VPS11: variants seen among roughly 807,000 people sequenced by gnomAD.
The protein encoded by VPS11 is VPS11 core subunit of CORVET and HOPS complexes.
In VPS11, 51 loss-of-function variants were observed where a neutral mutation model predicts 106.8. The ratio of observed to expected loss-of-function variants is 0.48; its 90% CI spans 0.38 to 0.60. VPS11 has a LOEUF of 0.60. Ranked by LOEUF, VPS11 falls within the 20% of genes least tolerant of loss-of-function variation. The pLI is 0.00. For synonymous variants in VPS11, 453 were observed against 458.7 expected, an observed-to-expected ratio of 0.99 and a Z score of 0.16; for missense variants, 950 against 1,190.0, an observed-to-expected ratio of 0.80 and a Z score of 2.97.
chr11:119,069,671 C>G, intron 3 of VPS11, 94 bp downstream of exon 3: 1 of 1,555,548 alleles, frequency 6.4e-7, no homozygotes, highest in Non-Finnish European at 8.8e-7. Flanking sequence ...CAGGAGACCA[C>G]TTTGTACTGA....
Position 119,081,248 on chromosome 11 carries a change from G to A in VPS11, c.2595G>A (p.Arg865=). The A allele has an allele frequency of 6.2e-7, 1 of 1,614,016 alleles. No homozygotes were observed. The highest frequency in any genetic ancestry group is 8.5e-7 in the Non-Finnish European group (1 of 1,179,908). Residue 865 remains arginine (R), a synonymous_variant, in exon 15 of 16, where the codon CGG becomes CGA. Coordinates refer to ENST00000621676, the MANE Select transcript of VPS11 (RefSeq NM_021729.6). ...ADCPTCLPEN[R]KVMDMIRAQE... The stretch of plus-strand genomic sequence containing the variant: ...GCCCCACCTGCCTCCCTGAAAACCG[G>A]AAGGTCATGGATATGATCCGGGCCC...
At chr11:119,068,093 C>A in intron 1 of VPS11, 83 bp downstream of exon 1, 1 of 1,426,208 alleles carries the variant, frequency 7.0e-7, no homozygotes, top group Non-Finnish European at 9.3e-7. Context: ...TCGGAGGGGT[C>A]CGTGCCGCGC....
At chr11:119,069,640 G>A in intron 3 of VPS11, 63 bp downstream of exon 3, 1 of 1,607,422 alleles carries the variant, frequency 6.2e-7, no homozygotes, top group Non-Finnish European at 8.5e-7. Flanking sequence ...AGTTGCTTCT[G>A]CCTCTCATCT....
chr11:119,079,545 C>T (rs1199405995), intron 14 of VPS11, among the ~76,000 whole-genome samples: 1 of 152,188 alleles, frequency 6.6e-6, no homozygotes, highest in African/African-American at 2.4e-5. Context: ...TATTCTACCA[C>T]TTCTAAACAC....
Position 119,073,864 on chromosome 11 carries a change from G to C in VPS11, c.1151G>C (p.Ser384Thr), listed in dbSNP as rs782298570. 9.3e-6 allele frequency: 15 copies of C among 1,613,862 alleles called. No individual in the cohort carries two copies. In the Admixed American group the frequency reaches 2.0e-4, roughly 22 times the overall value. Residue 384 changes from serine to threonine, a missense_variant, in exon 7 of 16, where the codon AGT (serine) becomes ACT (threonine). Physicochemically the swap from Ser to Thr is moderately conservative, Grantham distance 58. Coordinates refer to ENST00000621676, the MANE Select transcript of VPS11 (RefSeq NM_021729.6). ...INLAKSQHLDSDGLAQIFMQY... is the reference protein window; with the variant it reads ...INLAKSQHLDTDGLAQIFMQY... ...CTTGCCAAGAGCCAGCATCTGGACA[G>C]TGATGGGCTGGCCCAGATTTTCATG...
chr11:119,070,481 A>G (rs1422152050), intron 4 of VPS11, 84 bp downstream of exon 4: 29 of 1,348,650 alleles, frequency 2.2e-5, no homozygotes, highest in Non-Finnish European at 2.9e-5. Context: ...AGTGACAGGA[A>G]AGGTGGGAGT....
At position 119,073,805 on chromosome 11, in the gene VPS11, G is replaced by C. The variant is rs1451759741; in HGVS notation, c.1092G>C (p.Leu364=). ...EKDTQTKLEM[L]FKKNLFEMAI... ...TAATCTCTCTTCCCTTCTAGATGCT[G>C]TTTAAGAAGAACCTATTTGAGATGG... The change falls in exon 7 of 16, where the codon CTG becomes CTC. Residue 364 remains leucine, a synonymous_variant. Coordinates refer to ENST00000621676, the MANE Select transcript of VPS11 (RefSeq NM_021729.6). 1 of 1,609,420 alleles carries C rather than the reference G, an allele frequency of 6.2e-7. No homozygotes were observed. The highest frequency in any genetic ancestry group is 2.2e-5 in the East Asian group (1 of 44,734).
chr11:119,069,545 C>G lies in VPS11; in HGVS notation c.440C>G (p.Thr147Ser). 6 of 1,614,038 alleles carry G rather than the reference C, an allele frequency of 3.7e-6. No individual in the cohort carries two copies. Among genetic ancestry groups the G allele is most frequent in the Non-Finnish European group, 5.1e-6 (6 of 1,179,888 alleles). ...GAGCCAACTGTTGTATCTTGTTTGACTGTCCATGAAAATCTCAACTTTATG... is the reference window on the plus strand; with the variant it reads ...GAGCCAACTGTTGTATCTTGTTTGAGTGTCCATGAAAATCTCAACTTTATG... ...GTEPTVVSCL[T>S]VHENLNFMAI... is the part of the protein sequence containing the mutation. The change falls in exon 3 of 16, where the codon ACT becomes AGT. Residue 147 changes from threonine to serine, a missense_variant. Around this residue, in one of 3 missense-constraint regions of VPS11, gnomAD observed 435 missense variants for 630.2 expected, o/e 0.69. Coordinates refer to ENST00000621676, the MANE Select transcript of VPS11 (RefSeq NM_021729.6).
At chr11:119,075,952 G>A (rs900272292) in intron 7 of VPS11, among the ~76,000 whole-genome samples, 25 of 151,804 alleles carry the variant, frequency 1.6e-4, no homozygotes, top group African/African-American at 6.0e-4. Flanking sequence ...AATTGCCAGG[G>A]GGCAGTGACT....
At chr11:119,073,511 T>C in intron 6 of VPS11, 112 bp downstream of exon 6, 1 of 1,313,614 alleles carries the variant, frequency 7.6e-7, no homozygotes, top group South Asian at 1.4e-5. Context: ...GTCACAGCCT[T>C]ACTCAGCTTC....
chr11:119,071,962 T>C, intron 5 of VPS11, 119 bp downstream of exon 5: 1 of 1,361,138 alleles, frequency 7.3e-7, no homozygotes. Flanking sequence ...CGGTGTTATG[T>C]AGGTAACATT....
intron 14 of VPS11, 33 bp from the exon 15 acceptor site, chr11:119,081,059 T>G (rs782074380): frequency 1.3e-6 from 2 of 1,598,050 alleles, no homozygotes. Context: ...GCCCTCACTT[T>G]TGCCACTCAC....
intron 4 of VPS11, among the ~76,000 whole-genome samples, chr11:119,071,217 A>C (rs1945375766): frequency 6.6e-6 from 1 of 152,256 alleles, no homozygotes; most frequent in African/African-American, 2.4e-5. Context: ...GGCATGAGCC[A>C]CTGCACCGGC....
rs1293736901 is a variant in VPS11, at chr11:119,077,069, G to A, written c.1411G>A (p.Glu471Lys). Residue 471 changes from glutamate (E) to lysine (K), a missense_variant, in exon 8 of 16, where the codon GAG becomes AAG. By Grantham distance (56) the Glu-to-Lys change is moderately conservative (BLOSUM62 1). Coordinates refer to ENST00000621676, the MANE Select transcript of VPS11 (RefSeq NM_021729.6). ...YTKLKDSSKLEEFIKKKSESE... is the reference protein window; with the variant it reads ...YTKLKDSSKLKEFIKKKSESE... ...CAAGCTCAAGGACAGCTCGAAGCTG[G>A]AGGAGTTCATCAAGGTGCAGGATGT... The A allele has an allele frequency of 1.2e-6, 2 of 1,612,360 alleles. No individual in the cohort carries two copies. The highest frequency in any genetic ancestry group is 1.7e-6 in the Non-Finnish European group (2 of 1,179,162).
chr11:119,079,236 C>T lies in VPS11; in HGVS notation c.2374C>T (p.Arg792Trp), dbSNP rs368011627. 23 of 1,609,918 alleles carry T rather than the reference C, an allele frequency of 1.4e-5. No homozygotes were observed. Among genetic ancestry groups the T allele is most frequent in the African/African-American group, 2.7e-5 (2 of 74,786 alleles). Residue 792 changes from arginine (R) to tryptophan (W), a missense_variant, in exon 14 of 16, where the codon CGG becomes TGG. Physicochemically the swap from Arg to Trp is moderately radical, Grantham distance 101. Transcript: ENST00000621676. ...CCAGCAGATTGCACAGGATGAGCTG[C>T]GGGTGCGGCGGTACCGAGAGGAGAC... ...QSQQIAQDELRVRRYREETTR... is the reference protein window; with the variant it reads ...QSQQIAQDELWVRRYREETTR...
At chr11:119,081,353 C>G in intron 15 of VPS11, 39 bp downstream of exon 15, 4 of 1,612,608 alleles carry the variant, frequency 2.5e-6, no homozygotes, top group South Asian at 1.1e-5. Flanking sequence ...GGGATTCCCA[C>G]TAGTGTCACA....
intron 1 of VPS11, among the ~76,000 whole-genome samples, chr11:119,068,856 A>G (rs1002992358): frequency 1.4e-4 from 21 of 151,776 alleles, no homozygotes; most frequent in African/African-American, 4.6e-4. Context: ...GGTTCAAGCA[A>G]TTCTCCTGCC....
At chr11:119,072,910 T>A (rs1945454361) in intron 5 of VPS11, 1 of 411,324 alleles carries the variant, frequency 2.4e-6, no homozygotes, top group Non-Finnish European at 4.5e-6. Flanking sequence ...GCACAGTGTT[T>A]TACATATACC....
intron 1 of VPS11, 76 bp from the exon 2 acceptor site, chr11:119,069,120 A>G: frequency 2.5e-6 from 4 of 1,578,448 alleles, no homozygotes; most frequent in Non-Finnish European, 3.4e-6. Flanking sequence ...AGTTATATAC[A>G]TGTAATTGTT....
Sources: allele counts gnomAD v4.1 joint callset (sites outside exome capture counted in the v4.1 genomes callset), GRCh38; gene constraint gnomAD v4.1.1; regional missense constraint gnomAD v4.1.1; transcripts MANE v1.5; gene names NCBI Gene and HGNC (gene_info 2026-07-23, HGNC 2026-07-21).